CELF2: variants seen among roughly 807,000 people sequenced by gnomAD.
CELF2 encodes the protein CUG triplet repeat RNA-binding protein 2.
CELF2 carries 8 observed loss-of-function variants against 62.6 expected under a neutral mutation model. The ratio of observed to expected loss-of-function variants is 0.13; its 90% confidence interval spans 0.07 to 0.23. CELF2 has a LOEUF of 0.23. Among genes scored for constraint, CELF2 ranks in the 10% least tolerant of loss-of-function variants. CELF2 has a pLI of 1.00. For missense variants in CELF2, 333 were observed against 671.0 expected, an observed-to-expected ratio of 0.50 and a Z score of 5.56; for synonymous variants, 258 against 250.0, an observed-to-expected ratio of 1.03 and a Z score of -0.30.
At chr10:10,580,530 G>A in the CELF2 span, among the ~76,000 whole-genome samples, 4 of 152,044 alleles carry the variant, frequency 2.6e-5, no homozygotes, top group Non-Finnish European at 2.9e-5. Flanking sequence ...TTCTGACCCG[G>A]CACTAACCAA....
At chr10:10,953,558 C>G (rs762599325) in intron 2 of CELF2, among the ~76,000 whole-genome samples, 7 of 152,080 alleles carry the variant, frequency 4.6e-5, no homozygotes, top group Non-Finnish European at 8.8e-5. Flanking sequence ...ACAATTCACC[C>G]AGTTAAAAAG....
chr10:10,804,502 G>C (rs2055002886), intron 1 of CELF2, among the ~76,000 whole-genome samples: 1 of 152,194 alleles, frequency 6.6e-6, no homozygotes, highest in Non-Finnish European at 1.5e-5. Context: ...CTTGTTATTA[G>C]GAAAAAACTT....
chr10:10,721,773 T>C, the CELF2 span, among the ~76,000 whole-genome samples: 1 of 152,160 alleles, frequency 6.6e-6, no homozygotes, highest in Non-Finnish European at 1.5e-5. Flanking sequence ...TGGGGGTCTA[T>C]AGAACAGCAT....
At chr10:11,256,342 G>C (rs539841419) in intron 4 of CELF2, among the ~76,000 whole-genome samples, 2 of 152,174 alleles carry the variant, frequency 1.3e-5, no homozygotes, top group Non-Finnish European at 2.9e-5. Context: ...GTGCTTTAGC[G>C]TCCAGAAGGA....
rs1379093130 is a variant in CELF2, at chr10:11,336,465, T to C, written c.*7412T>C. On this transcript the variant is annotated 3_prime_UTR_variant, in exon 13 of 13. Coordinates refer to ENST00000633077, the MANE Select transcript of CELF2 (RefSeq NM_001326342.2). This position sits in a 1 kb window ranked among gnomAD's most constrained non-coding sequence, Gnocchi z 5.4. ...GGAACACAATACTGGATGTGTCTTA[T>C]ATATATTGAACTATATAGTACTCGA... 6.6e-6 allele frequency: 1 copy of C among 152,650 alleles called. No homozygotes were observed. The highest frequency in any genetic ancestry group is 1.9e-4 in the East Asian group (1 of 5,200). 9.5% of individuals were successfully genotyped at this position (152,650 alleles called of 1,614,324 possible).
chr10:11,018,116 C>T lies in CELF2; in HGVS notation c.27C>T (p.Phe9=). Residue 9 remains phenylalanine (F), a synonymous_variant, in exon 1 of 13, where the codon TTC becomes TTT. Coordinates refer to ENST00000633077, the MANE Select transcript of CELF2 (RefSeq NM_001326342.2). ...TGACTTCTGCCTTCAAGCTGGATTT[C>T]CTCCCGGACATGATGGTCGAGGGCC... MTSAFKLD[F]LPDMMVEGRL... is the part of the protein sequence containing the mutation. The T allele has an allele frequency of 2.6e-6, 4 of 1,512,516 alleles. No individual in the cohort carries two copies. Among genetic ancestry groups the T allele is most frequent in the South Asian group, 2.4e-5 (2 of 83,722 alleles). The allele number at this position is 1,512,516 out of a possible 1,614,324, so 93.7% of individuals were successfully genotyped here.
At chr10:10,986,896 C>T (rs1025264831) in intron 2 of CELF2, among the ~76,000 whole-genome samples, 1 of 152,164 alleles carries the variant, frequency 6.6e-6, no homozygotes, top group Admixed American at 6.5e-5. Flanking sequence ...AGAAGGCCCC[C>T]AGCCCTGAGG....
At chr10:10,589,232 A>C in the CELF2 span, among the ~76,000 whole-genome samples, 4 of 152,244 alleles carry the variant, frequency 2.6e-5, no homozygotes, top group Admixed American at 6.5e-5. Context: ...AAAGACCTGG[A>C]ATCAATAGAA....
At chr10:10,541,321 G>A in the CELF2 span, among the ~76,000 whole-genome samples, 2 of 151,756 alleles carry the variant, frequency 1.3e-5, no homozygotes, top group Non-Finnish European at 2.9e-5. Flanking sequence ...TACTGGAAAG[G>A]GGCTCCACAT....
intron 5 of CELF2, among the ~76,000 whole-genome samples, chr10:11,259,340 C>T (rs2079756389): frequency 6.6e-6 from 1 of 151,894 alleles, no homozygotes; most frequent in Non-Finnish European, 1.5e-5. Flanking sequence ...ACCTCCAGAG[C>T]CCCAGCATGA....
the CELF2 span, among the ~76,000 whole-genome samples, chr10:10,645,279 C>T: frequency 6.6e-6 from 1 of 152,298 alleles, no homozygotes; most frequent in Admixed American, 6.5e-5. Flanking sequence ...CAATTCTGTA[C>T]TCCACCCTAC....
At chr10:10,481,007 G>A in the CELF2 span, among the ~76,000 whole-genome samples, 2 of 152,036 alleles carry the variant, frequency 1.3e-5, no homozygotes. Flanking sequence ...AGGTTGCAGT[G>A]AGCCGAGATC....
chr10:10,652,819 G>C, the CELF2 span, among the ~76,000 whole-genome samples: 1 of 151,570 alleles, frequency 6.6e-6, no homozygotes, highest in Non-Finnish European at 1.5e-5. Context: ...ATCAACTAAA[G>C]AGCAAAATCA....
chr10:11,312,665 G>A (rs2094628197), intron 9 of CELF2, among the ~76,000 whole-genome samples: 2 of 152,230 alleles, frequency 1.3e-5, no homozygotes, highest in Admixed American at 6.5e-5. Flanking sequence ...GGCTGGCTTG[G>A]AGGCTCACAC....
intron 1 of CELF2, among the ~76,000 whole-genome samples, chr10:11,056,685 G>A (rs977995326): frequency 7.2e-5 from 11 of 152,188 alleles, no homozygotes; most frequent in Non-Finnish European, 1.0e-4. Context: ...TGAGCCTTGT[G>A]AAACATTTAA....
chr10:10,717,725 G>A, the CELF2 span, among the ~76,000 whole-genome samples: 1 of 152,026 alleles, frequency 6.6e-6, no homozygotes, highest in Admixed American at 6.6e-5. Flanking sequence ...AAAGAATCAG[G>A]GTCCTTTGGA....
intron 1 of CELF2, among the ~76,000 whole-genome samples, chr10:11,068,822 A>G (rs2068877385): frequency 6.6e-6 from 1 of 152,106 alleles, no homozygotes; most frequent in Admixed American, 6.5e-5. Context: ...AGCTTCCCAA[A>G]GTGCTGGGAT....
At chr10:11,287,972 C>T (rs1188861442) in intron 8 of CELF2, among the ~76,000 whole-genome samples, 1 of 152,230 alleles carries the variant, frequency 6.6e-6, no homozygotes, top group African/African-American at 2.4e-5. Context: ...CCTTGAAGCC[C>T]TTCCTCCAGC....
At chr10:10,611,418 A>T in the CELF2 span, among the ~76,000 whole-genome samples, 1 of 152,092 alleles carries the variant, frequency 6.6e-6, no homozygotes, top group African/African-American at 2.4e-5. Context: ...ACCCCAGATA[A>T]ATTTACCTTG....
Sources: gnomAD v4.1 joint callset for allele counts (sites outside exome capture counted in the v4.1 genomes callset) on GRCh38, gnomAD v4.1.1 for gene constraint, Gnocchi (gnomAD v3.1) non-coding constraint, MANE v1.5 for transcripts, NCBI Gene and HGNC (gene_info 2026-07-23, HGNC 2026-07-21) for gene names.